The following ME3 variants were observed in gnomAD, a reference collection of about 807,000 sequenced individuals.
ME3 encodes malic enzyme 3.
ME3 carries 48 observed loss-of-function variants against 68.9 expected under a neutral mutation model. The observed-to-expected ratio is 0.70, with a 90% CI of 0.55 to 0.89. The LOEUF (loss-of-function observed/expected upper bound fraction) is 0.89. Ranked by LOEUF, ME3 falls within the 40% of genes least tolerant of loss-of-function variation. ME3 has a pLI of 0.00. For synonymous variants in ME3, 320 were observed against 318.8 expected (o/e 1.00, Z -0.04); for missense variants, 675 against 797.4 (o/e 0.85, Z 1.85).
intron 2 of ME3, among the ~76,000 whole-genome samples, chr11:86,568,850 A>G (rs908618829): frequency 6.6e-6 from 1 of 152,178 alleles, no homozygotes; most frequent in African/African-American, 2.4e-5. Context: ...TTGGGCCAGG[A>G]CTGTCATGTT....
At chr11:86,467,050 A>T (rs1185650484) in intron 7 of ME3, among the ~76,000 whole-genome samples, 1 of 151,988 alleles carries the variant, frequency 6.6e-6, no homozygotes, top group Non-Finnish European at 1.5e-5. Flanking sequence ...GACAAATACA[A>T]ATTGCATATA....
chr11:86,499,087 G>A (rs1565864516), intron 5 of ME3, among the ~76,000 whole-genome samples: 2 of 152,208 alleles, frequency 1.3e-5, no homozygotes, highest in Non-Finnish European at 2.9e-5. Flanking sequence ...CTTCATGGGT[G>A]AACGGACACA....
chr11:86,615,224 T>C (rs944116895), intron 2 of ME3, among the ~76,000 whole-genome samples: 14 of 152,306 alleles, frequency 9.2e-5, no homozygotes, highest in African/African-American at 3.4e-4. Context: ...TGAGAAGCTG[T>C]AGCCTCTGGA....
intron 2 of ME3, among the ~76,000 whole-genome samples, chr11:86,655,265 A>C (rs1418623859): frequency 2.0e-5 from 3 of 152,136 alleles, no homozygotes; most frequent in African/African-American, 4.8e-5. Context: ...TTCATATGGA[A>C]CCAAAAAAGA....
intron 2 of ME3, among the ~76,000 whole-genome samples, chr11:86,583,666 G>A (rs542460681): frequency 2.4e-4 from 37 of 152,250 alleles, no homozygotes; most frequent in Middle Eastern, 3.4e-3. Flanking sequence ...GTTGGGAATG[G>A]TATGTGATTA....
chr11:86,649,418 C>T (rs943624873), intron 2 of ME3, among the ~76,000 whole-genome samples: 18 of 152,200 alleles, frequency 1.2e-4, no homozygotes, highest in African/African-American at 4.3e-4. Flanking sequence ...CAAGGATGCC[C>T]TCTCTCACCA....
chr11:86,449,733 A>C (rs187621456), intron 10 of ME3, among the ~76,000 whole-genome samples, 156 bp downstream of exon 10: 16 of 152,348 alleles, frequency 1.1e-4, no homozygotes, highest in African/African-American at 3.6e-4. Context: ...AATTAAGGCT[A>C]CTTTGGGATG....
At chr11:86,449,524 T>G (rs551858445) in intron 10 of ME3, among the ~76,000 whole-genome samples, 1 of 152,266 alleles carries the variant, frequency 6.6e-6, no homozygotes, top group African/African-American at 2.4e-5. Flanking sequence ...GGTTAAGGGT[T>G]GAGAGTTGGC....
chr11:86,475,227 C>T (rs1160554453), intron 7 of ME3, among the ~76,000 whole-genome samples: 2 of 152,114 alleles, frequency 1.3e-5, no homozygotes, highest in African/African-American at 4.8e-5. Context: ...CCTCTGGGTA[C>T]TGTCCTCGTG....
At chr11:86,556,995 A>T (rs1167382566) in intron 3 of ME3, among the ~76,000 whole-genome samples, 1 of 152,236 alleles carries the variant, frequency 6.6e-6, no homozygotes, top group East Asian at 1.9e-4. Context: ...TTTAGAGGCA[A>T]GGAGACTCAT....
intron 2 of ME3, among the ~76,000 whole-genome samples, chr11:86,661,623 C>T (rs1007436187): frequency 2.0e-5 from 3 of 152,184 alleles, no homozygotes; most frequent in Non-Finnish European, 4.4e-5. Flanking sequence ...GCTTCTCCTC[C>T]ACCATCTTCA....
intron 2 of ME3, among the ~76,000 whole-genome samples, chr11:86,608,017 G>A (rs1015730785): frequency 8.5e-5 from 13 of 152,142 alleles, no homozygotes; most frequent in East Asian, 5.8e-4. Flanking sequence ...GCTACTGTTT[G>A]GGGAGAAAGT....
At chr11:86,481,752 A>G (rs779532140) in intron 7 of ME3, among the ~76,000 whole-genome samples, 2 of 152,254 alleles carry the variant, frequency 1.3e-5, no homozygotes, top group Admixed American at 6.5e-5. Flanking sequence ...CGGAGTTGCT[A>G]TTTAGTTGTG....
intron 2 of ME3, among the ~76,000 whole-genome samples, chr11:86,598,266 G>C (rs112040302): frequency 1.3e-5 from 2 of 152,186 alleles, no homozygotes; most frequent in Non-Finnish European, 1.5e-5. Context: ...CTTTTCCGAC[G>C]GGCTTAGGAA....
At chr11:86,542,433 T>C (rs1482317504) in intron 4 of ME3, among the ~76,000 whole-genome samples, 1 of 152,102 alleles carries the variant, frequency 6.6e-6, no homozygotes, top group Admixed American at 6.5e-5. Context: ...AATTGCTAAC[T>C]AGAATAACCA....
chr11:86,464,195 T>G, intron 8 of ME3: 1 of 378,664 alleles, frequency 2.6e-6, no homozygotes. Flanking sequence ...GCCAACTTAT[T>G]CTTTCCACCT....
chr11:86,438,920 G>A (rs945699359), downstream of ME3, among the ~76,000 whole-genome samples: 1 of 152,156 alleles, frequency 6.6e-6, no homozygotes, highest in Non-Finnish European at 1.5e-5. Context: ...CAAATTCTAA[G>A]ATCTACAGGG....
chr11:86,600,414 T>C (rs1226192375), intron 2 of ME3, among the ~76,000 whole-genome samples: 1 of 152,148 alleles, frequency 6.6e-6, no homozygotes, highest in African/African-American at 2.4e-5. Context: ...ATCCTAAATA[T>C]ATATGCACCC....
At chr11:86,486,702 G>A (rs924064539) in intron 7 of ME3, among the ~76,000 whole-genome samples, 8 of 152,258 alleles carry the variant, frequency 5.3e-5, no homozygotes, top group Non-Finnish European at 8.8e-5. Context: ...GTAAACATGG[G>A]TGTGTGAGGG....
Sources: gnomAD v4.1 joint callset for allele counts (sites outside exome capture counted in the v4.1 genomes callset) on GRCh38, gnomAD v4.1.1 for gene constraint, MANE v1.5 for transcripts, NCBI Gene and HGNC (gene_info 2026-07-23, HGNC 2026-07-21) for gene names.